RRM2: variants seen among roughly 807,000 people sequenced by gnomAD.
RRM2 encodes the protein ribonucleoside-diphosphate reductase subunit M2.
RRM2 carries 6 observed loss-of-function variants against 45.9 expected under a neutral mutation model. The observed-to-expected ratio is 0.13, with a 90% CI of 0.07 to 0.26. The LOEUF (loss-of-function observed/expected upper bound fraction) is 0.26, where lower values mean the gene tolerates loss of function less well. RRM2 is among the 10% of genes least tolerant of loss of function. The pLI is 1.00. For missense variants in RRM2, 343 were observed against 489.5 expected, an observed-to-expected ratio of 0.70 and a Z score of 2.82; for synonymous variants, 177 against 173.0, an observed-to-expected ratio of 1.02 and a Z score of -0.18.
chr2:10,135,313 C>T (rs909326121), downstream of RRM2, among the ~76,000 whole-genome samples: 4 of 152,044 alleles, frequency 2.6e-5, no homozygotes, highest in African/African-American at 7.2e-5. Flanking sequence ...ACAGTGAGAC[C>T]GAACTCAAAC....
intron 3 of RRM2, among the ~76,000 whole-genome samples, chr2:10,206,039 G>A (rs1270012768): frequency 1.3e-5 from 2 of 152,056 alleles, no homozygotes; most frequent in Non-Finnish European, 2.9e-5. Flanking sequence ...GAGGTCAGGA[G>A]ATCGAGACCA....
upstream of RRM2, among the ~76,000 whole-genome samples, chr2:10,138,258 C>T (rs951923342): frequency 1.3e-5 from 2 of 151,854 alleles, no homozygotes; most frequent in African/African-American, 4.8e-5. Context: ...ATCTCTGCCT[C>T]CCGGGTTCAA....
In RRM2 at chr2:10,172,024, G is replaced by A. The variant is rs78783568; in HGVS notation, n.482+29649G>A. Among the ~76,000 whole-genome samples the A allele has an allele frequency of 2.5e-3, 383 of 152,340 alleles. 1 individual carries two copies. The highest frequency in any genetic ancestry group is 8.9e-3 in the African/African-American group (369 of 41,582). Reference sequence around the variant, plus strand: ...AGCCCTGCTAGTCCAGGCCGGGCCAGCGCCCAAGGATGAGGGGAAGCACAG... The same window carrying A: ...AGCCCTGCTAGTCCAGGCCGGGCCAACGCCCAAGGATGAGGGGAAGCACAG... On this transcript the variant is annotated intron_variant and non_coding_transcript_variant, in intron 3 of 3. Transcript: ENST00000381786. The surrounding 1 kb of genome is among the most constrained non-coding windows in gnomAD (Gnocchi z 4.9).
intron 2 of RRM2, 121 bp downstream of exon 2, chr2:10,123,178 C>T (rs1411536171): frequency 2.3e-6 from 3 of 1,329,972 alleles, no homozygotes; most frequent in East Asian, 5.1e-5. Context: ...CTAGGCGGCC[C>T]CTCCCCAGGG....
At chr2:10,210,485 A>C (rs1220096152) in exon 4 of RRM2, 1 of 1,367,748 alleles carries the variant, frequency 7.3e-7, no homozygotes, top group Non-Finnish European at 9.8e-7. Context: ...GAACTCACCA[A>C]GAATGCACAG....
intron 3 of RRM2, among the ~76,000 whole-genome samples, chr2:10,182,480 A>G (rs1443195021): frequency 1.3e-5 from 2 of 152,198 alleles, no homozygotes; most frequent in Non-Finnish European, 2.9e-5. Context: ...AATTTGTCAC[A>G]GCAGCCCTAA....
At chr2:10,136,135 G>A (rs926476204), downstream of RRM2, among the ~76,000 whole-genome samples, 7 of 152,322 alleles carry the variant, frequency 4.6e-5, no homozygotes, top group Middle Eastern at 6.8e-3. Context: ...CAAAGTGCGG[G>A]GCTGGGGCAA....
intron 3 of RRM2, among the ~76,000 whole-genome samples, chr2:10,209,592 C>T (rs565260100): frequency 1.3e-4 from 18 of 136,416 alleles, no homozygotes; most frequent in African/African-American, 3.5e-4. Flanking sequence ...TGTGTGTGTG[C>T]GCGCGCGTGT....
chr2:10,148,478 A>G (rs1663240588), intron 3 of RRM2, among the ~76,000 whole-genome samples: 1 of 152,218 alleles, frequency 6.6e-6, no homozygotes, highest in Admixed American at 6.5e-5. Flanking sequence ...TCCAGAATAT[A>G]AAATTCTTAG....
At chr2:10,149,556 C>T (rs1030746657) in intron 3 of RRM2, among the ~76,000 whole-genome samples, 27 of 152,162 alleles carry the variant, frequency 1.8e-4, no homozygotes, top group Non-Finnish European at 3.4e-4. Context: ...TTCCTTTTCT[C>T]GTTTTTATTT....
intron 2 of RRM2, chr2:10,142,214 G>T: frequency 6.4e-7 from 1 of 1,551,076 alleles, no homozygotes; most frequent in Non-Finnish European, 8.8e-7. Context: ...GTACATGCAG[G>T]TCTGCAGACC....
intron 3 of RRM2, among the ~76,000 whole-genome samples, chr2:10,158,240 C>T (rs369410337): frequency 3.3e-5 from 5 of 152,176 alleles, no homozygotes; most frequent in Non-Finnish European, 7.3e-5. Context: ...AGTAGAGCTC[C>T]GCAGATTGTT....
rs1364550193 is a variant in RRM2 at position 10,202,763 on chromosome 2, T to C, written n.483-7548T>C. On this transcript the variant is annotated intron_variant and non_coding_transcript_variant, in intron 3 of 3. Coordinates refer to the RRM2 transcript ENST00000381786. ...TTTTGGGGTGGATTTAGGTGGTTTT[T>C]AATCAAGAGGAACTTAAAATGGCAG... Among the ~76,000 whole-genome samples, 6 of 152,188 alleles carry C rather than the reference T, an allele frequency of 3.9e-5. No homozygotes were observed. In the East Asian group the frequency reaches 1.2e-3, roughly 29 times the overall value.
chr2:10,172,741 G>A lies in RRM2; in HGVS notation n.482+30366G>A, dbSNP rs1217860061. 1.3e-5 allele frequency among the ~76,000 whole-genome samples: 2 copies of A among 152,176 alleles called. No individual in the cohort carries two copies. The highest frequency in any genetic ancestry group is 1.5e-5 in the Non-Finnish European group (1 of 68,026). On this transcript the variant is annotated intron_variant and non_coding_transcript_variant, in intron 3 of 3. Coordinates refer to the RRM2 transcript ENST00000381786. This position sits in a 1 kb window ranked among gnomAD's most constrained non-coding sequence, Gnocchi z 4.9. Reference sequence around the variant, plus strand: ...GTGTGTTGTTGCTGCACCCAGGACTGCCCACATCAGTTGCAAAATGCAATG... The same window carrying A: ...GTGTGTTGTTGCTGCACCCAGGACTACCCACATCAGTTGCAAAATGCAATG...
chr2:10,147,320 T>C (rs1048912702), intron 3 of RRM2, among the ~76,000 whole-genome samples: 1 of 151,952 alleles, frequency 6.6e-6, no homozygotes, highest in Non-Finnish European at 1.5e-5. Flanking sequence ...TCTCACTCTG[T>C]TGCCCAGGCA....
In RRM2 at chr2:10,127,110, G is replaced by A. The variant is rs777945067; in HGVS notation, c.688G>A (p.Ala230Thr). ...AGGTGAACGTGTTGTAGCCTTTGCT[G>A]CAGTGGAAGGCATTTTCTTTTCCGG... ...TYGERVVAFA[A>T]VEGIFFSGSF... Residue 230 changes from alanine (A) to threonine (T), a missense_variant, in exon 7 of 10, where the codon GCA becomes ACA. Ala to Thr is a moderately conservative substitution (Grantham distance 58). This residue lies in a region of RRM2 where 212 missense variants were observed against 368.1 expected (regional missense o/e 0.58). Transcript: ENST00000304567. This position sits in a 1 kb window ranked among gnomAD's most constrained non-coding sequence, Gnocchi z 4.1. 6.2e-7 allele frequency: 1 copy of A among 1,614,208 alleles called. No homozygotes were observed. The highest frequency in any genetic ancestry group is 8.5e-7 in the Non-Finnish European group (1 of 1,180,038).
rs377527927 is a variant in RRM2, at chr2:10,122,771, G to A, written c.-28G>A. The A allele has an allele frequency of 1.5e-4, 232 of 1,566,198 alleles. No individual in the cohort carries two copies. The highest frequency in any genetic ancestry group is 3.3e-4 in the Middle Eastern group (2 of 6,012). On this transcript the variant is annotated 5_prime_UTR_variant, in exon 1 of 10. Transcript: ENST00000304567. ...CTGTCCCAGCCGTCCTGTCCTGGCT[G>A]CTCGCTCTGCTTCGCTGCGCCTCCA...
At chr2:10,156,446 C>A (rs1434469118) in intron 3 of RRM2, among the ~76,000 whole-genome samples, 1 of 152,116 alleles carries the variant, frequency 6.6e-6, no homozygotes, top group East Asian at 1.9e-4. Flanking sequence ...AAGGGGCAGT[C>A]CTGGGCAGTG....
chr2:10,123,100 G>C, intron 2 of RRM2, 43 bp downstream of exon 2: 3 of 1,514,462 alleles, frequency 2.0e-6, no homozygotes, highest in Non-Finnish European at 2.6e-6. Flanking sequence ...GACGGCCTTG[G>C]GCGTCTTGGC....
Sources: gnomAD v4.1 joint callset for allele counts (sites outside exome capture counted in the v4.1 genomes callset) on GRCh38, gnomAD v4.1.1 for gene constraint, gnomAD v4.1.1 regional missense constraint, Gnocchi (gnomAD v3.1) non-coding constraint, MANE v1.5 for transcripts, NCBI Gene and HGNC (gene_info 2026-07-23, HGNC 2026-07-21) for gene names.